ARHGAP8: variants seen among roughly 807,000 people sequenced by gnomAD.
ARHGAP8 encodes the protein rho GTPase-activating protein 8.
Under a neutral mutation model 46.1 loss-of-function variants are expected in ARHGAP8, and 62 were observed. The ratio of observed to expected loss-of-function variants is 1.34; its 90% CI spans 1.10 to 1.66. The LOEUF is 1.66. ARHGAP8 is among the 40% of genes most tolerant of loss of function. The probability of loss-of-function intolerance (pLI) is 0.00; values close to 1 mark genes in which losing one functional copy is unlikely to be tolerated. For missense variants in ARHGAP8, 923 were observed against 568.4 expected, an observed-to-expected ratio of 1.62 and a Z score of -6.34; for synonymous variants, 375 against 243.1, an observed-to-expected ratio of 1.54 and a Z score of -5.05.
At chr22:44,760,711 G>A (rs1925066187) in intron 1 of ARHGAP8, among the ~76,000 whole-genome samples, 1 of 152,212 alleles carries the variant, frequency 6.6e-6, no homozygotes, top group South Asian at 2.1e-4. Context: ...TATTTTTACA[G>A]CAACAAACCA....
intron 1 of ARHGAP8, chr22:44,786,081 G>T (rs543726401): frequency 8.2e-5 from 26 of 315,336 alleles, no homozygotes; most frequent in African/African-American, 5.3e-4. Context: ...ACACTGGATG[G>T]GCACTTGGTG....
intron 7 of ARHGAP8, among the ~76,000 whole-genome samples, chr22:44,836,408 A>G (rs1315542648): frequency 6.6e-6 from 1 of 151,874 alleles, no homozygotes; most frequent in East Asian, 1.9e-4. Flanking sequence ...TCAGATTTTA[A>G]CTTGAACCCT....
At chr22:44,769,041 G>A (rs1230497501) in intron 1 of ARHGAP8, among the ~76,000 whole-genome samples, 1 of 151,960 alleles carries the variant, frequency 6.6e-6, no homozygotes, top group Non-Finnish European at 1.5e-5. Flanking sequence ...CACCATGTTG[G>A]CCAGGCTGGT....
intron 7 of ARHGAP8, among the ~76,000 whole-genome samples, chr22:44,829,186 G>T (rs113646626): frequency 0.047 from 7,012 of 150,050 alleles, 199 homozygotes; most frequent in African/African-American, 0.069. Context: ...AGCTACTCGG[G>T]AGCCTGAGGC....
At chr22:44,815,721 T>C (rs1054310665) in intron 5 of ARHGAP8, among the ~76,000 whole-genome samples, 1 of 152,172 alleles carries the variant, frequency 6.6e-6, no homozygotes, top group Non-Finnish European at 1.5e-5. Flanking sequence ...TGCCTCAGTA[T>C]TGGGAAGCAA....
At chr22:44,832,276 G>A (rs565061756) in intron 7 of ARHGAP8, among the ~76,000 whole-genome samples, 1 of 146,490 alleles carries the variant, frequency 6.8e-6, no homozygotes, top group African/African-American at 2.5e-5. Context: ...GCCTAGGCTG[G>A]AGTGCAGTGG....
intron 2 of ARHGAP8, among the ~76,000 whole-genome samples, chr22:44,797,726 G>C (rs1928191456): frequency 1.3e-5 from 2 of 152,216 alleles, no homozygotes; most frequent in Admixed American, 6.5e-5. Context: ...CCAGGGCGGG[G>C]ACATCAAAGA....
chr22:44,768,443 G>T (rs932067129), intron 1 of ARHGAP8, among the ~76,000 whole-genome samples: 4 of 151,108 alleles, frequency 2.6e-5, no homozygotes, highest in African/African-American at 4.9e-5. Flanking sequence ...GAGACTACAG[G>T]TGCACACCAC....
chr22:44,755,259 C>T (rs1924578427), intron 1 of ARHGAP8, among the ~76,000 whole-genome samples: 1 of 152,256 alleles, frequency 6.6e-6, no homozygotes, highest in Non-Finnish European at 1.5e-5. Context: ...TCCTCCCACA[C>T]ACACTGTGCT....
chr22:44,839,195 A>G (rs912906096), intron 7 of ARHGAP8, among the ~76,000 whole-genome samples: 1 of 152,136 alleles, frequency 6.6e-6, no homozygotes, highest in African/African-American at 2.4e-5. Flanking sequence ...TCTCCCTCCC[A>G]GAGAGGAAAC....
chr22:44,809,368 C>G, intron 4 of ARHGAP8: 2 of 364,342 alleles, frequency 5.5e-6, no homozygotes, highest in Non-Finnish European at 5.5e-6. Flanking sequence ...TTCATCCTGC[C>G]TGCCCATTCT....
intron 10 of ARHGAP8, among the ~76,000 whole-genome samples, chr22:44,855,910 G>T (rs534142448): frequency 6.6e-6 from 1 of 152,200 alleles, no homozygotes; most frequent in Admixed American, 6.5e-5. Context: ...AGGAAGCACG[G>T]TGTTGGCATC....
Position 44,862,511 on chromosome 22 carries a change from G to C in ARHGAP8, c.1218G>C (p.Glu406Asp), listed in dbSNP as rs138911000. 1.2e-6 allele frequency: 2 copies of C among 1,612,880 alleles called. No homozygotes were observed. The highest frequency in any genetic ancestry group is 1.3e-5 in the African/African-American group (1 of 74,910). The stretch of plus-strand genomic sequence containing the variant: ...GGAGCAGGGCAGCCCCTTTGCAGGA[G>C]GCTGTGCCACGGACACAAGCCACGG... ...EQGSRAAPLQ[E>D]AVPRTQATGL... The change falls in exon 12 of 12, where the codon GAG becomes GAC. Residue 406 changes from glutamate (E) to aspartate (D), a missense_variant. Coordinates refer to ENST00000356099, the MANE Select transcript of ARHGAP8 (RefSeq NM_181335.3).
At chr22:44,859,621 A>G (rs1360671541) in intron 10 of ARHGAP8, 110 bp from the exon 11 acceptor site, 3 of 1,172,978 alleles carry the variant, frequency 2.6e-6, no homozygotes, top group African/African-American at 3.1e-5. Context: ...AATGTGGGAT[A>G]GTCCATCCTC....
intron 1 of ARHGAP8, among the ~76,000 whole-genome samples, chr22:44,782,894 G>A (rs967780142): frequency 2.6e-5 from 4 of 152,146 alleles, no homozygotes; most frequent in African/African-American, 9.7e-5. Context: ...GAGCTGCCAC[G>A]CTGTTTTCCA....
intron 5 of ARHGAP8, among the ~76,000 whole-genome samples, chr22:44,817,976 A>G (rs1929869616): frequency 2.0e-5 from 3 of 152,066 alleles, no homozygotes; most frequent in Admixed American, 1.3e-4. Flanking sequence ...TCAGCCAGGC[A>G]TGGTGGCGCG....
intron 1 of ARHGAP8, among the ~76,000 whole-genome samples, chr22:44,778,397 T>C (rs1252432248): frequency 1.3e-5 from 2 of 152,208 alleles, no homozygotes; most frequent in Non-Finnish European, 2.9e-5. Flanking sequence ...ATCGTATGTC[T>C]ATATCACAGT....
At chr22:44,818,137 A>G (rs1929879827) in intron 5 of ARHGAP8, among the ~76,000 whole-genome samples, 1 of 150,920 alleles carries the variant, frequency 6.6e-6, no homozygotes, top group Non-Finnish European at 1.5e-5. Context: ...AGAAACCTCT[A>G]AGGTTCTTGG....
intron 2 of ARHGAP8, among the ~76,000 whole-genome samples, chr22:44,794,739 T>C (rs1002957173): frequency 2.0e-5 from 3 of 150,406 alleles, no homozygotes; most frequent in African/African-American, 4.9e-5. Context: ...TAATATACTT[T>C]ATTATGGAAA....
Sources: allele counts gnomAD v4.1 joint callset (sites outside exome capture counted in the v4.1 genomes callset), GRCh38; gene constraint gnomAD v4.1.1; transcripts MANE v1.5; gene names NCBI Gene and HGNC (gene_info 2026-07-23, HGNC 2026-07-21).